TRIM24: variants seen among roughly 807,000 people sequenced by gnomAD.
TRIM24 encodes tripartite motif containing 24.
A neutral mutation model predicts 123.9 loss-of-function variants in TRIM24; 29 were observed. The observed-to-expected ratio is 0.23, with a 90% CI of 0.17 to 0.32. TRIM24 has a LOEUF of 0.32. Among genes scored for constraint, TRIM24 ranks in the 10% least tolerant of loss-of-function variants. The pLI is 1.00. For missense variants in TRIM24, 932 were observed against 1,295.3 expected (o/e 0.72, Z 4.31); for synonymous variants, 456 against 461.1 (o/e 0.99, Z 0.14).
At chr7:138,528,845 A>G (rs1047843677) in intron 5 of TRIM24, among the ~76,000 whole-genome samples, 5 of 130,032 alleles carry the variant, frequency 3.8e-5, no homozygotes, top group African/African-American at 1.5e-4. Context: ...TAATTTTTCC[A>G]AACCATATTT....
chr7:138,560,434 C>G (rs945291184), intron 9 of TRIM24, among the ~76,000 whole-genome samples: 1 of 152,202 alleles, frequency 6.6e-6, no homozygotes, highest in Non-Finnish European at 1.5e-5. Flanking sequence ...CAGACAAGCA[C>G]TAACATGTAC....
chr7:138,529,685 G>A (rs993196213), intron 6 of TRIM24, among the ~76,000 whole-genome samples: 3 of 152,114 alleles, frequency 2.0e-5, no homozygotes, highest in African/African-American at 4.8e-5. Context: ...TTGTAATTGC[G>A]AGAGCAGCAC....
chr7:138,552,258 A>C (rs1797226663), intron 8 of TRIM24, among the ~76,000 whole-genome samples: 1 of 152,158 alleles, frequency 6.6e-6, no homozygotes, highest in African/African-American at 2.4e-5. Context: ...AAAATTACCT[A>C]AATGACACAT....
chr7:138,555,117 G>GT, intron 9 of TRIM24, 151 bp downstream of exon 9: 2 of 767,500 alleles, frequency 2.6e-6, no homozygotes, highest in Non-Finnish European at 4.1e-6. Flanking sequence ...TTAATGCCTA[G>GT]TTTTTAATCC....
intron 2 of TRIM24, chr7:138,514,337 A>G (rs570768862): frequency 7.9e-4 from 121 of 152,346 alleles, no homozygotes; most frequent in African/African-American, 2.8e-3. Flanking sequence ...TGTGACATAA[A>G]AATGCAAATC....
intron 11 of TRIM24, among the ~76,000 whole-genome samples, chr7:138,571,959 CTAAAGT>C (rs1225145479): frequency 1.3e-5 from 2 of 152,100 alleles, no homozygotes; most frequent in Admixed American, 1.3e-4. Context: ...TTTTTTTAAT[CTAAAGT>C]TAGATAACCT....
At chr7:138,544,599 G>T (rs766147028) in intron 7 of TRIM24, among the ~76,000 whole-genome samples, 1 of 152,164 alleles carries the variant, frequency 6.6e-6, no homozygotes, top group Non-Finnish European at 1.5e-5. Flanking sequence ...ATCGTTATCC[G>T]TAGTGGTTGC....
At chr7:138,460,953 G>T (rs1382875864) in intron 1 of TRIM24, 41 bp downstream of exon 1, 3 of 1,369,192 alleles carry the variant, frequency 2.2e-6, no homozygotes, top group African/African-American at 3.1e-5. Context: ...CGGGGAGAGG[G>T]CCAGGAGGGG....
intron 12 of TRIM24, among the ~76,000 whole-genome samples, chr7:138,576,075 T>G (rs1203906598): frequency 6.6e-6 from 1 of 152,162 alleles, no homozygotes; most frequent in African/African-American, 2.4e-5. Context: ...TATAGAGAGA[T>G]GCCACTGGTA....
chr7:138,569,552 A>G (rs1429518067), intron 10 of TRIM24, among the ~76,000 whole-genome samples: 1 of 152,166 alleles, frequency 6.6e-6, no homozygotes, highest in Non-Finnish European at 1.5e-5. Context: ...CTCATCATGT[A>G]CATAGAAAAA....
chr7:138,489,532 A>T (rs1266454626), intron 1 of TRIM24, among the ~76,000 whole-genome samples: 1 of 152,072 alleles, frequency 6.6e-6, no homozygotes, highest in Non-Finnish European at 1.5e-5. Flanking sequence ...AGCTCTTGTA[A>T]GGCAGGCCTG....
chr7:138,508,717 G>GTGTGTT (rs1796217537), intron 2 of TRIM24, among the ~76,000 whole-genome samples: 3 of 147,384 alleles, frequency 2.0e-5, no homozygotes, highest in African/African-American at 7.6e-5. Flanking sequence ...GCGTGTGTGT[G>GTGTGTT]TGCGTGTGTG....
intron 10 of TRIM24, among the ~76,000 whole-genome samples, chr7:138,569,615 G>T (rs1465225585): frequency 1.2e-4 from 18 of 152,162 alleles, no homozygotes; most frequent in Admixed American, 1.2e-3. Context: ...GAGGAAAGGG[G>T]GCATAGAGGT....
intron 5 of TRIM24, 26 bp from the exon 6 acceptor site, chr7:138,529,090 A>C (rs1346659609): frequency 7.8e-6 from 11 of 1,412,838 alleles, no homozygotes; most frequent in Non-Finnish European, 1.1e-5. Context: ...AAACTGCCTT[A>C]TGTTTTTCCC....
At chr7:138,508,966 A>G (rs1470482044) in intron 2 of TRIM24, among the ~76,000 whole-genome samples, 2 of 151,882 alleles carry the variant, frequency 1.3e-5, no homozygotes, top group African/African-American at 4.8e-5. Context: ...TTATTTATTT[A>G]GAGACAGAGT....
At chr7:138,542,243 TCCTC>T (rs2116615047) in intron 7 of TRIM24, among the ~76,000 whole-genome samples, 1 of 152,320 alleles carries the variant, frequency 6.6e-6, no homozygotes, top group South Asian at 2.1e-4. Context: ...GGACCTGCCT[TCCTC>T]AGTAAGCTTA....
At chr7:138,578,568 G>GCGCGCA (rs1289061393) in intron 14 of TRIM24, among the ~76,000 whole-genome samples, 2 of 138,350 alleles carry the variant, frequency 1.4e-5, no homozygotes, top group African/African-American at 2.6e-5. Context: ...GTGTGTGCGC[G>GCGCGCA]CACGCACGAA....
At chr7:138,583,363 T>TA (rs1491561268) in intron 17 of TRIM24, among the ~76,000 whole-genome samples, 1 of 152,224 alleles carries the variant, frequency 6.6e-6, no homozygotes, top group Non-Finnish European at 1.5e-5. Context: ...CTCACGCCTG[T>TA]AATCCCAACA....
At chr7:138,515,505 A>G in intron 3 of TRIM24, 146 bp downstream of exon 3, 1 of 997,500 alleles carries the variant, frequency 1.0e-6, no homozygotes, top group Non-Finnish European at 1.4e-6. Context: ...TCGAAATTTA[A>G]GTACTTACAA....
Sources: gnomAD v4.1 joint callset for allele counts (sites outside exome capture counted in the v4.1 genomes callset) on GRCh38, gnomAD v4.1.1 for gene constraint, MANE v1.5 for transcripts, NCBI Gene and HGNC (gene_info 2026-07-23, HGNC 2026-07-21) for gene names.